Variants in RNASEH2B observed in about 807,000 individuals in gnomAD.
The protein encoded by RNASEH2B is Aicardi-Goutieres syndrome 2 protein.
In RNASEH2B, 36 loss-of-function variants were observed where a neutral mutation model predicts 45.0. That is an observed-to-expected ratio of 0.80 (90% CI 0.61 to 1.06). The LOEUF (loss-of-function observed/expected upper bound fraction) is 1.06, where lower values mean the gene tolerates loss of function less well. Among genes scored for constraint, RNASEH2B ranks in the 50% least tolerant of loss-of-function variants. RNASEH2B has a pLI of 0.00. For synonymous variants in RNASEH2B, 119 were observed against 125.7 expected (o/e 0.95, Z 0.35); for missense variants, 361 against 360.3 (o/e 1.00, Z -0.02).
At chr13:50,933,091 C>T (rs1951702699) in intron 4 of RNASEH2B, among the ~76,000 whole-genome samples, 1 of 152,188 alleles carries the variant, frequency 6.6e-6, no homozygotes, top group Non-Finnish European at 1.5e-5. Flanking sequence ...CTAATCACCA[C>T]CAGGAACGCC....
intron 1 of RNASEH2B, among the ~76,000 whole-genome samples, chr13:50,925,213 T>A (rs1234566171): frequency 1.6e-5 from 2 of 127,328 alleles, no homozygotes; most frequent in African/African-American, 2.6e-5. Context: ...AATTTAGGTA[T>A]TTTTTTTTTG....
At chr13:50,933,962 T>C (rs1413752145) in intron 4 of RNASEH2B, 1 of 152,176 alleles carries the variant, frequency 6.6e-6, no homozygotes, top group Non-Finnish European at 1.5e-5. Context: ...TCTTAAATGA[T>C]TGAGAAGATT....
intron 9 of RNASEH2B, among the ~76,000 whole-genome samples, chr13:50,949,838 T>C (rs1951954395): frequency 6.6e-6 from 1 of 152,208 alleles, no homozygotes; most frequent in African/African-American, 2.4e-5. Flanking sequence ...CTAAGCATAC[T>C]CTATATATAA....
chr13:50,914,475 A>T (rs1000458487), intron 1 of RNASEH2B, among the ~76,000 whole-genome samples: 1 of 152,246 alleles, frequency 6.6e-6, no homozygotes, highest in East Asian at 1.9e-4. Context: ...CGAATAGTCT[A>T]CTGCAGGCAG....
chr13:50,956,234 C>T, intron 10 of RNASEH2B, 124 bp from the exon 11 acceptor site: 1 of 753,480 alleles, frequency 1.3e-6, no homozygotes. Context: ...CCTTATGAAG[C>T]ATGTTAGTGG....
intron 6 of RNASEH2B, among the ~76,000 whole-genome samples, chr13:50,944,157 G>A (rs1262841116): frequency 6.6e-6 from 1 of 151,830 alleles, no homozygotes; most frequent in African/African-American, 2.4e-5. Flanking sequence ...TAAGTATTGG[G>A]TTGCTGTATA....
At chr13:50,914,508 G>A (rs1397758325) in intron 1 of RNASEH2B, among the ~76,000 whole-genome samples, 1 of 152,184 alleles carries the variant, frequency 6.6e-6, no homozygotes, top group African/African-American at 2.4e-5. Flanking sequence ...GAGTCTCAGA[G>A]TTTTCCAGCA....
rs753938285 is a variant in RNASEH2B, at chr13:50,943,405, T to G, written c.510+11T>G. The G allele has an allele frequency of 6.4e-7, 1 of 1,565,656 alleles. No homozygotes were observed. The highest frequency in any genetic ancestry group is 8.8e-7 in the Non-Finnish European group (1 of 1,136,018). On this transcript the variant is annotated intron_variant, in intron 6 of 10. Transcript: ENST00000336617. ...TGGCTGGAAAAAAAGGTATAGTTCC[T>G]CTCTAGTGCCTTGTGGTAAAAGTAA...
chr13:50,912,885 A>G (rs569639596), intron 1 of RNASEH2B: 4 of 152,294 alleles, frequency 2.6e-5, no homozygotes, highest in African/African-American at 9.6e-5. Context: ...TTGCAATGAT[A>G]CTTTTTTCCA....
At chr13:50,961,727 G>T (rs1376174176), downstream of RNASEH2B, among the ~76,000 whole-genome samples, 1 of 152,032 alleles carries the variant, frequency 6.6e-6, no homozygotes, top group Non-Finnish European at 1.5e-5. Context: ...ATGTGTGTGT[G>T]TGTACAACAT....
At chr13:50,923,419 A>G (rs1204923685) in intron 1 of RNASEH2B, among the ~76,000 whole-genome samples, 1 of 152,212 alleles carries the variant, frequency 6.6e-6, no homozygotes, top group African/African-American at 2.4e-5. Flanking sequence ...GAGAATCTTG[A>G]AAGCAGTAAA....
chr13:50,915,798 G>T (rs767005662), intron 1 of RNASEH2B, among the ~76,000 whole-genome samples: 1 of 152,188 alleles, frequency 6.6e-6, no homozygotes. Context: ...AAGGGATTTG[G>T]GGCTGCATGT....
At chr13:50,957,077 T>C (rs1952060235), downstream of RNASEH2B, among the ~76,000 whole-genome samples, 1 of 151,932 alleles carries the variant, frequency 6.6e-6, no homozygotes. Flanking sequence ...GGAATTACAG[T>C]TACTTTGTAA....
At chr13:50,947,692 A>C (rs1312157306) in intron 7 of RNASEH2B, among the ~76,000 whole-genome samples, 12 of 152,246 alleles carry the variant, frequency 7.9e-5, no homozygotes, top group South Asian at 6.2e-4. Context: ...ATAAGAAAGC[A>C]ACCCTGAGTT....
chr13:50,934,128 C>T (rs926551466), intron 4 of RNASEH2B: 1 of 152,298 alleles, frequency 6.6e-6, no homozygotes, highest in African/African-American at 2.4e-5. Context: ...GTCCCCAAAT[C>T]AGGGGGCTAA....
At chr13:50,913,995 T>A (rs1879584234) in intron 1 of RNASEH2B, among the ~76,000 whole-genome samples, 1 of 151,574 alleles carries the variant, frequency 6.6e-6, no homozygotes, top group East Asian at 1.9e-4. Context: ...TCTTATTTAA[T>A]GATGGAGAAA....
At chr13:50,966,472 G>A (rs1252516125) in intron 9 of RNASEH2B, among the ~76,000 whole-genome samples, 1 of 151,850 alleles carries the variant, frequency 6.6e-6, no homozygotes, top group East Asian at 1.9e-4. Context: ...AAACCACTTG[G>A]GTACATAGAC....
intron 5 of RNASEH2B, chr13:50,943,056 A>C (rs1951852188): frequency 2.7e-6 from 1 of 369,278 alleles, no homozygotes; most frequent in Non-Finnish European, 4.9e-6. Context: ...TGAGGTTTTA[A>C]AATTACCTTT....
At chr13:50,914,771 C>T (rs1417353143) in intron 1 of RNASEH2B, among the ~76,000 whole-genome samples, 1 of 152,132 alleles carries the variant, frequency 6.6e-6, no homozygotes, top group Admixed American at 6.5e-5. Context: ...GAACTCATGA[C>T]TCCCACATAT....
Sources: gnomAD v4.1 joint callset for allele counts (sites outside exome capture counted in the v4.1 genomes callset) on GRCh38, gnomAD v4.1.1 for gene constraint, MANE v1.5 for transcripts, NCBI Gene and HGNC (gene_info 2026-07-23, HGNC 2026-07-21) for gene names.